PFAS: variants seen among roughly 807,000 people sequenced by gnomAD.
The protein encoded by PFAS is phosphoribosylformylglycinamidine synthase.
A neutral mutation model predicts 140.6 loss-of-function variants in PFAS; 97 were observed. That is an observed-to-expected ratio of 0.69 (90% CI 0.59 to 0.82). The LOEUF (loss-of-function observed/expected upper bound fraction) is 0.82. PFAS is among the 40% of genes least tolerant of loss of function. The probability of loss-of-function intolerance (pLI) is 0.00; values close to 1 mark genes in which losing one functional copy is unlikely to be tolerated. For missense variants in PFAS, 1,656 were observed against 1,780.2 expected (o/e 0.93, Z 1.26); for synonymous variants, 679 against 718.8 (o/e 0.94, Z 0.88).
At chr17:8,248,106 G>T (rs1988940106), upstream of PFAS, 1 of 1,024,134 alleles carries the variant, frequency 9.8e-7, no homozygotes, top group African/African-American at 1.6e-5. Flanking sequence ...GTGGGGGGGC[G>T]CTCGGTGACG....
intron 1 of PFAS, among the ~76,000 whole-genome samples, chr17:8,251,362 G>A (rs956948049): frequency 6.2e-4 from 94 of 151,348 alleles, no homozygotes; most frequent in African/African-American, 2.2e-3. Context: ...GCTCACTGCA[G>A]CCTCAAACTC....
At chr17:8,254,395 C>T (rs1238410009) in intron 3 of PFAS, 94 bp downstream of exon 3, 6 of 1,452,560 alleles carry the variant, frequency 4.1e-6, no homozygotes, top group African/African-American at 2.8e-5. Context: ...CTCTTTGCTA[C>T]TTCCTGCCTA....
chr17:8,253,101 A>G (rs972076406), intron 1 of PFAS, among the ~76,000 whole-genome samples: 33 of 152,262 alleles, frequency 2.2e-4, no homozygotes, highest in African/African-American at 7.7e-4. Context: ...CATTCAATCC[A>G]TGGCTGATAC....
rs2151599769 is a variant in PFAS at position 8,269,960 on chromosome 17, C to T, written c.*696C>T. On this transcript the variant is annotated 3_prime_UTR_variant, in exon 28 of 28. Transcript: ENST00000314666. ...TGGCGTGATCTCGGCCCACTGCAACCTCTGCCTCCTGGGTTCAAGCAATTT... is the reference window on the plus strand; with the variant it reads ...TGGCGTGATCTCGGCCCACTGCAACTTCTGCCTCCTGGGTTCAAGCAATTT... The T allele has an allele frequency of 6.6e-6, 1 of 151,984 alleles. No individual in the cohort carries two copies. The highest frequency in any genetic ancestry group is 2.1e-4 in the South Asian group (1 of 4,800). 9.4% of individuals were successfully genotyped at this position (151,984 alleles called of 1,614,324 possible). A position where few individuals can be genotyped will look rare whatever the true frequency, so the allele number is the denominator to read the frequency against.
upstream of PFAS, chr17:8,247,869 C>T: frequency 1.2e-6 from 1 of 816,754 alleles, no homozygotes; most frequent in Non-Finnish European, 2.0e-6. Context: ...AGGAGCGGAC[C>T]GACTCACAAC....
At chr17:8,262,290 T>G (rs545759779) in intron 11 of PFAS, among the ~76,000 whole-genome samples, 9 of 152,320 alleles carry the variant, frequency 5.9e-5, no homozygotes, top group Admixed American at 3.9e-4. Flanking sequence ...GCCTTTAGGT[T>G]ATTTCATGTA....
chr17:8,264,865 C>A, intron 17 of PFAS, 30 bp from the exon 18 acceptor site: 1 of 1,457,696 alleles, frequency 6.9e-7, no homozygotes, highest in Non-Finnish European at 9.3e-7. Flanking sequence ...CTGTCCCTTG[C>A]TCTCTTGCTA....
chr17:8,265,063 G>A lies in PFAS; in HGVS notation c.2218G>A (p.Ala740Thr), dbSNP rs372891346. The A allele has an allele frequency of 1.9e-5, 31 of 1,613,474 alleles. No individual in the cohort carries two copies. In the African/African-American group the frequency reaches 2.1e-4, roughly 11 times the overall value. Residue 740 changes from alanine (A) to threonine (T), a missense_variant, in exon 18 of 28, where the codon GCC (alanine) becomes ACC (threonine). Coordinates refer to ENST00000314666, the MANE Select transcript of PFAS (RefSeq NM_012393.3). Reference protein sequence around the residue: ...VKSLLDPKVAARLAVAEALTN... With the variant: ...VKSLLDPKVATRLAVAEALTN... The stretch of plus-strand genomic sequence containing the variant: ...GAGCCTGCTGGACCCAAAAGTCGCC[G>A]CCCGGCTGGCCGTGGCCGAAGCCCT...
intron 17 of PFAS, 64 bp downstream of exon 17, chr17:8,264,665 C>T: frequency 6.6e-7 from 1 of 1,504,142 alleles, no homozygotes; most frequent in Admixed American, 2.1e-5. Context: ...TCTGCCCTCC[C>T]ACCCTTAGAA....
upstream of PFAS, chr17:8,248,242 C>T (rs1160075087): frequency 1.7e-6 from 1 of 583,318 alleles, no homozygotes; most frequent in Non-Finnish European, 3.1e-6. Flanking sequence ...TCTCTTTTCT[C>T]TGATTTTTTT....
intron 4 of PFAS, 67 bp downstream of exon 4, chr17:8,255,199 A>C (rs1989311733): frequency 4.1e-6 from 5 of 1,218,986 alleles, no homozygotes; most frequent in Non-Finnish European, 6.0e-6. Flanking sequence ...TAAGCTCTAG[A>C]GAGAAGCAGG....
At chr17:8,257,117 A>T (rs899947896) in intron 9 of PFAS, among the ~76,000 whole-genome samples, 154 bp downstream of exon 9, 1 of 152,238 alleles carries the variant, frequency 6.6e-6, no homozygotes, top group African/African-American at 2.4e-5. Context: ...AACTATGGTC[A>T]TAAGTGTAGA....
upstream of PFAS, chr17:8,248,022 C>G (rs1252023203): frequency 3.1e-6 from 5 of 1,592,240 alleles, no homozygotes; most frequent in Non-Finnish European, 4.3e-6. Flanking sequence ...GGACCTGGGC[C>G]CGGCCAGCCG....
rs1395863142 is a variant in PFAS at position 8,267,758 on chromosome 17, C to T, written c.3382+93C>T. The stretch of plus-strand genomic sequence containing the variant: ...TCCTGGGCTGGGGATTGGCCTCTCA[C>T]TCCACCGAGCTACGAGAGAGTGGGC... On this transcript the variant is annotated intron_variant, in intron 26 of 27. Coordinates refer to ENST00000314666, the MANE Select transcript of PFAS (RefSeq NM_012393.3). This position sits in a 1 kb window ranked among gnomAD's most constrained non-coding sequence, Gnocchi z 4.9. 1 of 669,046 alleles carries T rather than the reference C, an allele frequency of 1.5e-6. No individual in the cohort carries two copies. Among genetic ancestry groups the T allele is most frequent in the Non-Finnish European group, 2.6e-6 (1 of 385,640 alleles). The allele number at this position is 669,046 out of a possible 1,614,324, so 41.4% of individuals were successfully genotyped here. A position where few individuals can be genotyped will look rare whatever the true frequency, so the allele number is the denominator to read the frequency against.
rs764334700 is a variant in PFAS, at chr17:8,267,657, C to T, written c.3374C>T (p.Ser1125Phe). The T allele has an allele frequency of 6.3e-7, 1 of 1,578,594 alleles. No homozygotes were observed. Among genetic ancestry groups the T allele is most frequent in the Non-Finnish European group, 8.7e-7 (1 of 1,148,322 alleles). ...GGFSYADVLG[S>F]AKGWAAAVTF... is the part of the protein sequence containing the mutation. ...TTCAGCTATGCAGATGTCCTGGGCTCTGCCAAAGGTCAGTGTGCAGGCTTC... is the reference window on the plus strand; with the variant it reads ...TTCAGCTATGCAGATGTCCTGGGCTTTGCCAAAGGTCAGTGTGCAGGCTTC... Residue 1125 changes from serine (S) to phenylalanine (F), a missense_variant, in exon 26 of 28, where the codon TCT becomes TTT. Around this residue, in one of 2 missense-constraint regions of PFAS, gnomAD observed 883 missense variants for 1,023.0 expected, o/e 0.86. Coordinates refer to ENST00000314666, the MANE Select transcript of PFAS (RefSeq NM_012393.3). This position sits in a 1 kb window ranked among gnomAD's most constrained non-coding sequence, Gnocchi z 4.9.
rs748005790 is a variant in PFAS at position 8,263,563 on chromosome 17, C to T, written c.1568-12C>T. ...ACTAGGTCACTGCTTCTCCTTGCAA[C>T]CCTCTCACCAGGCAATGTCCTAAAA... On this transcript the variant is annotated splice_polypyrimidine_tract_variant and intron_variant, in intron 13 of 27. Coordinates refer to ENST00000314666, the MANE Select transcript of PFAS (RefSeq NM_012393.3). 5 of 1,612,694 alleles carry T rather than the reference C, an allele frequency of 3.1e-6. No homozygotes were observed. Among genetic ancestry groups the T allele is most frequent in the Middle Eastern group, 1.7e-4 (1 of 6,060 alleles).
intron 17 of PFAS, 126 bp from the exon 18 acceptor site, chr17:8,264,769 G>A: frequency 4.0e-6 from 4 of 990,670 alleles, no homozygotes; most frequent in South Asian, 1.6e-5. Flanking sequence ...CACCTTCTAA[G>A]TAGAGCTGTT....
chr17:8,258,007 G>T (rs1989442012), intron 10 of PFAS, 64 bp from the exon 11 acceptor site: 8 of 1,612,528 alleles, frequency 5.0e-6, no homozygotes, highest in Non-Finnish European at 5.9e-6. Flanking sequence ...CGACCCAGGG[G>T]CTGTGCTATT....
Position 8,262,968 on chromosome 17 carries a change from G to C in PFAS, c.1385G>C (p.Gly462Ala), listed in dbSNP as rs147199258. ...VGGPVYRIGV[G>A]GGAASSVQVQ... ...GGTCCCGTCTACAGGATTGGAGTTGGAGGTGGAGCTGCTTCATCTGTGCAG... is the reference window on the plus strand; with the variant it reads ...GGTCCCGTCTACAGGATTGGAGTTGCAGGTGGAGCTGCTTCATCTGTGCAG... Residue 462 changes from glycine (G) to alanine (A), a missense_variant, in exon 12 of 28, where the codon GGA (glycine) becomes GCA (alanine). Around this residue, in one of 2 missense-constraint regions of PFAS, gnomAD observed 773 missense variants for 757.3 expected, o/e 1.02. Transcript: ENST00000314666. The C allele has an allele frequency of 1.2e-6, 2 of 1,614,136 alleles. No individual in the cohort carries two copies. Among genetic ancestry groups the C allele is most frequent in the Non-Finnish European group, 1.7e-6 (2 of 1,179,976 alleles).
Sources: allele counts gnomAD v4.1 joint callset (sites outside exome capture counted in the v4.1 genomes callset), GRCh38; gene constraint gnomAD v4.1.1; regional missense constraint gnomAD v4.1.1; non-coding constraint Gnocchi (gnomAD v3.1); transcripts MANE v1.5; gene names NCBI Gene and HGNC (gene_info 2026-07-23, HGNC 2026-07-21).